Variants in TTC17 observed in about 807,000 individuals in gnomAD.
TTC17 encodes tetratricopeptide repeat domain 17, also known as tetratricopeptide repeat protein 17.
TTC17 carries 58 observed loss-of-function variants against 143.8 expected under a neutral mutation model. That is an observed-to-expected ratio of 0.40 (90% CI 0.33 to 0.50). The LOEUF (loss-of-function observed/expected upper bound fraction) is 0.50. TTC17 is among the 20% of genes least tolerant of loss of function. The probability of loss-of-function intolerance (pLI) is 0.49; values close to 1 mark genes in which losing one functional copy is unlikely to be tolerated. For missense variants in TTC17, 1,273 were observed against 1,392.5 expected (o/e 0.91, Z 1.37); for synonymous variants, 501 against 497.8 (o/e 1.01, Z -0.09).
intron 21 of TTC17, among the ~76,000 whole-genome samples, chr11:43,474,563 A>T (rs1487478331): frequency 6.6e-6 from 1 of 152,198 alleles, no homozygotes; most frequent in African/African-American, 2.4e-5. Flanking sequence ...AAATGAGCCT[A>T]TGTATTCAGT....
intron 21 of TTC17, among the ~76,000 whole-genome samples, chr11:43,459,245 G>T (rs770018128): frequency 2.0e-5 from 3 of 152,224 alleles, no homozygotes; most frequent in African/African-American, 4.8e-5. Context: ...TCCCATGGCA[G>T]TTGTGAAATC....
At chr11:43,459,349 T>C (rs538172899) in intron 21 of TTC17, among the ~76,000 whole-genome samples, 1 of 152,352 alleles carries the variant, frequency 6.6e-6, no homozygotes, top group East Asian at 1.9e-4. Context: ...CCCTTTTCTT[T>C]TTCTCAGTTC....
At position 43,405,784 on chromosome 11, in the gene TTC17, A is replaced by G; in HGVS notation, c.1596-2A>G. On this transcript the variant is annotated splice_acceptor_variant, in intron 12 of 23. Transcript: ENST00000039989. LOFTEE classifies it high-confidence loss of function. ...GAATCTTGTTCCTTTTTCTTGTGCC[A>G]GGATCCACGAACTCAGCAGTGATGA... The G allele has an allele frequency of 6.2e-7, 1 of 1,613,030 alleles. No homozygotes were observed. The highest frequency in any genetic ancestry group is 8.5e-7 in the Non-Finnish European group (1 of 1,179,666).
intron 1 of TTC17, among the ~76,000 whole-genome samples, chr11:43,373,506 G>T: frequency 6.6e-6 from 1 of 151,874 alleles, no homozygotes; most frequent in Non-Finnish European, 1.5e-5. Context: ...TGTATTTTTA[G>T]TAGAGATGAG....
At chr11:43,362,588 C>T (rs961679090) in intron 1 of TTC17, among the ~76,000 whole-genome samples, 38 of 152,142 alleles carry the variant, frequency 2.5e-4, no homozygotes, top group African/African-American at 8.9e-4. Flanking sequence ...GTGTCCATTA[C>T]TTGGCATGAT....
Position 43,492,019 on chromosome 11 carries a change from G to C in TTC17, c.3151-1G>C. 1 of 1,613,286 alleles carries C rather than the reference G, an allele frequency of 6.2e-7. No individual in the cohort carries two copies. The highest frequency in any genetic ancestry group is 8.5e-7 in the Non-Finnish European group (1 of 1,179,692). On this transcript the variant is annotated splice_acceptor_variant, in intron 22 of 23. Coordinates refer to ENST00000039989, the MANE Select transcript of TTC17 (RefSeq NM_018259.6). LOFTEE classifies it high-confidence loss of function. ...TCTCACCATTCTCCTTCTTCTCCCA[G>C]GATGTGCCCCTGATTAGCCTGGCCA...
intron 2 of TTC17, among the ~76,000 whole-genome samples, chr11:43,381,727 A>G (rs1231026213): frequency 6.6e-6 from 1 of 152,182 alleles, no homozygotes; most frequent in Non-Finnish European, 1.5e-5. Context: ...TGGTAACTGG[A>G]TAGAACCTGG....
At chr11:43,439,224 T>C (rs2134713167) in intron 16 of TTC17, among the ~76,000 whole-genome samples, 1 of 152,316 alleles carries the variant, frequency 6.6e-6, no homozygotes, top group Non-Finnish European at 1.5e-5. Flanking sequence ...GAATTTTTGG[T>C]GCAATATATC....
rs547767790 is a variant in TTC17 at position 43,453,095 on chromosome 11, C to T, written c.3030+1830C>T. On this transcript the variant is annotated intron_variant, in intron 21 of 23. Coordinates refer to ENST00000039989, the MANE Select transcript of TTC17 (RefSeq NM_018259.6). ...TAGAAAAATTTTGTCACAGAACTGA[C>T]GACAAAATTGGAAGGAGCAGCAAGA... is the stretch of plus-strand genomic sequence containing the variant. 6.7e-4 allele frequency among the ~76,000 whole-genome samples: 102 copies of T among 151,752 alleles called. 1 individual carries two copies. The highest frequency in any genetic ancestry group is 1.9e-3 in the African/African-American group (79 of 41,342).
intron 21 of TTC17, among the ~76,000 whole-genome samples, chr11:43,458,313 C>T (rs1435378764): frequency 6.6e-6 from 1 of 152,152 alleles, no homozygotes; most frequent in Non-Finnish European, 1.5e-5. Flanking sequence ...GTGATCCCTC[C>T]AAGTCCATCT....
chr11:43,427,427 A>G (rs1947054750), intron 16 of TTC17, among the ~76,000 whole-genome samples: 1 of 152,228 alleles, frequency 6.6e-6, no homozygotes, highest in Non-Finnish European at 1.5e-5. Context: ...TGCCTTTTGC[A>G]GAATCCGTGG....
chr11:43,441,864 A>G (rs79494239), intron 16 of TTC17, among the ~76,000 whole-genome samples: 7,667 of 152,300 alleles, frequency 0.05, 195 homozygotes, highest in African/African-American at 0.064. Flanking sequence ...CAAGGAAGCA[A>G]TCACCTTGGG....
In TTC17 at chr11:43,386,204, CTAAG is replaced by C. The variant is rs1234601917; in HGVS notation, c.250-3445_250-3442del. Among the ~76,000 whole-genome samples, 17 of 151,682 alleles carry C rather than the reference CTAAG, an allele frequency of 1.1e-4. No individual in the cohort carries two copies. In the East Asian group the frequency reaches 3.3e-3, roughly 29 times the overall value. On this transcript the variant is annotated intron_variant, in intron 2 of 23. Coordinates refer to ENST00000039989, the MANE Select transcript of TTC17 (RefSeq NM_018259.6). The stretch of plus-strand genomic sequence containing the variant: ...AAAATTTCCTATGCAGTTTAAAAAT[CTAAG>C]TATGAAAAGTGAAACTTTTTACTAA...
intron 3 of TTC17, among the ~76,000 whole-genome samples, chr11:43,390,022 C>T (rs947555644): frequency 1.3e-5 from 2 of 152,128 alleles, no homozygotes; most frequent in East Asian, 3.8e-4. Flanking sequence ...AATGGAACAA[C>T]TTGGCTGGGC....
intron 2 of TTC17, among the ~76,000 whole-genome samples, chr11:43,387,232 A>C (rs546903072): frequency 6.6e-6 from 1 of 152,254 alleles, no homozygotes; most frequent in Non-Finnish European, 1.5e-5. Context: ...TCCATATTTT[A>C]TAGTGTATTA....
At chr11:43,361,491 G>T (rs1032670913) in intron 1 of TTC17, among the ~76,000 whole-genome samples, 2 of 152,156 alleles carry the variant, frequency 1.3e-5, no homozygotes, top group African/African-American at 4.8e-5. Flanking sequence ...ACTTACATTA[G>T]CCAAATTTGG....
At chr11:43,376,008 GAGTAAAAT>G (rs1182939234) in intron 1 of TTC17, among the ~76,000 whole-genome samples, 1 of 152,040 alleles carries the variant, frequency 6.6e-6, no homozygotes, top group East Asian at 1.9e-4. Context: ...AATTTGATAG[GAGTAAAAT>G]ATTTACTCAT....
chr11:43,376,109 A>G (rs1488278255), intron 1 of TTC17, among the ~76,000 whole-genome samples: 2 of 152,212 alleles, frequency 1.3e-5, no homozygotes, highest in Non-Finnish European at 2.9e-5. Context: ...TGAACTCAAA[A>G]AGTATCGGAT....
chr11:43,383,620 C>T (rs1440244320), intron 2 of TTC17, among the ~76,000 whole-genome samples: 1 of 152,068 alleles, frequency 6.6e-6, no homozygotes, highest in Non-Finnish European at 1.5e-5. Context: ...CCACCTTGGC[C>T]TCCCACAGTG....
Sources: allele counts gnomAD v4.1 joint callset (sites outside exome capture counted in the v4.1 genomes callset), GRCh38; gene constraint gnomAD v4.1.1; transcripts MANE v1.5; gene names NCBI Gene and HGNC (gene_info 2026-07-23, HGNC 2026-07-21).